Variants in ERG observed in about 807,000 individuals in gnomAD.
ERG encodes the protein transcriptional regulator ERG.
A neutral mutation model predicts 55.3 loss-of-function variants in ERG; 9 were observed. The observed-to-expected ratio is 0.16, with a 90% confidence interval of 0.10 to 0.28. ERG has a LOEUF of 0.28. Ranked by LOEUF, ERG falls within the 10% of genes least tolerant of loss-of-function variation. ERG has a pLI of 1.00. For synonymous variants in ERG, 223 were observed against 237.3 expected (o/e 0.94, Z 0.55); for missense variants, 434 against 631.6 (o/e 0.69, Z 3.35).
chr21:38,582,332 AC>A (rs975227877), intron 1 of ERG, among the ~76,000 whole-genome samples: 13 of 152,222 alleles, frequency 8.5e-5, no homozygotes, highest in African/African-American at 3.1e-4. Flanking sequence ...CAGCCCTTAA[AC>A]CCATGTGCTA....
intron 1 of ERG, among the ~76,000 whole-genome samples, chr21:38,495,393 G>T (rs1022669486): frequency 6.6e-6 from 1 of 152,172 alleles, no homozygotes; most frequent in Non-Finnish European, 1.5e-5. Context: ...ATAGCACTAG[G>T]GTGCCCTCAG....
At chr21:38,598,499 G>C (rs2060144845) in intron 1 of ERG, among the ~76,000 whole-genome samples, 1 of 152,202 alleles carries the variant, frequency 6.6e-6, no homozygotes. Flanking sequence ...CAGCACTAAT[G>C]TATCACAAAT....
At chr21:38,539,418 T>C (rs1227280407) in intron 2 of ERG, among the ~76,000 whole-genome samples, 1 of 152,222 alleles carries the variant, frequency 6.6e-6, no homozygotes, top group Non-Finnish European at 1.5e-5. Context: ...ACTCTTCAGA[T>C]ATATCCTGGG....
intron 1 of ERG, among the ~76,000 whole-genome samples, chr21:38,491,749 A>G (rs2146677512): frequency 6.6e-6 from 1 of 152,284 alleles, no homozygotes; most frequent in East Asian, 1.9e-4. Flanking sequence ...CGTGTTCATT[A>G]TTGACGCCCA....
intron 2 of ERG, among the ~76,000 whole-genome samples, chr21:38,513,614 A>G (rs761960343): frequency 6.6e-5 from 10 of 152,196 alleles, no homozygotes; most frequent in Non-Finnish European, 1.3e-4. Context: ...AGTCATTTAT[A>G]TTTTAATACT....
At position 38,381,549 on chromosome 21, in the gene ERG, C is replaced by G; in HGVS notation, c.*1854G>C. ...CTGAAAGAGAAACCCCGCAGCAAAT[C>G]TAGACGTTATCCCTTGTTTCTGTAA... On this transcript the variant is annotated 3_prime_UTR_variant, in exon 10 of 10. Transcript: ENST00000288319. The G allele has an allele frequency of 9.4e-7, 1 of 1,064,026 alleles. No individual in the cohort carries two copies. Among genetic ancestry groups the G allele is most frequent in the South Asian group, 4.6e-5 (1 of 21,962 alleles). 65.9% of individuals were successfully genotyped at this position (1,064,026 alleles called of 1,614,324 possible).
At chr21:38,503,368 C>CTTT (rs35953821), upstream of ERG, among the ~76,000 whole-genome samples, 3,136 of 148,600 alleles carry the variant, frequency 0.021, 124 homozygotes, top group East Asian at 0.2. Flanking sequence ...GCATAGAGCT[C>CTTT]TTTTTTTTTT....
At chr21:38,477,007 C>CTTTTTTTTTTT (rs397867221) in intron 1 of ERG, among the ~76,000 whole-genome samples, 4 of 84,154 alleles carry the variant, frequency 4.8e-5, no homozygotes, top group Admixed American at 1.8e-4. Context: ...TCTTTCTTTC[C>CTTTTTTTTTTT]TTTTTTTTTT....
intron 1 of ERG, among the ~76,000 whole-genome samples, chr21:38,594,428 C>G (rs1283530603): frequency 6.6e-6 from 1 of 152,206 alleles, no homozygotes; most frequent in Non-Finnish European, 1.5e-5. Context: ...TTTCCATGGA[C>G]TCCATCATCA....
At chr21:38,470,607 T>G (rs2059130478) in intron 1 of ERG, among the ~76,000 whole-genome samples, 1 of 152,252 alleles carries the variant, frequency 6.6e-6, no homozygotes, top group Middle Eastern at 3.2e-3. Context: ...TAGTTCACTC[T>G]GCACTGGTAT....
At chr21:38,556,142 T>C (rs1166206269) in intron 2 of ERG, among the ~76,000 whole-genome samples, 1 of 152,106 alleles carries the variant, frequency 6.6e-6, no homozygotes, top group Admixed American at 6.5e-5. Flanking sequence ...AAAAATGCCA[T>C]ATTGCAGAAA....
At chr21:38,451,218 T>C (rs1351053147) in intron 1 of ERG, 1 of 508,530 alleles carries the variant, frequency 2.0e-6, no homozygotes, top group Non-Finnish European at 3.9e-6. Context: ...ATAAAGGATC[T>C]GGATGGTAAA....
chr21:38,443,050 A>G (rs1224651331), intron 2 of ERG, among the ~76,000 whole-genome samples: 1 of 152,042 alleles, frequency 6.6e-6, no homozygotes, highest in Non-Finnish European at 1.5e-5. Flanking sequence ...CTCGTGATCC[A>G]CCCGCCTTGG....
chr21:38,494,997 G>A (rs1238306520), intron 1 of ERG, among the ~76,000 whole-genome samples: 1 of 152,234 alleles, frequency 6.6e-6, no homozygotes, highest in African/African-American at 2.4e-5. Context: ...ATGCACAGCA[G>A]GGCAGCGGCA....
chr21:38,501,596 C>T (rs982381523), upstream of ERG, among the ~76,000 whole-genome samples: 1 of 152,116 alleles, frequency 6.6e-6, no homozygotes, highest in African/African-American at 2.4e-5. Flanking sequence ...CAAGCCACCA[C>T]GCGGACCAAG....
chr21:38,563,746 ATCACT>A (rs976610052), intron 2 of ERG, among the ~76,000 whole-genome samples: 3 of 152,244 alleles, frequency 2.0e-5, no homozygotes, highest in Non-Finnish European at 4.4e-5. Flanking sequence ...TGATTATGTG[ATCACT>A]TCAAGTAATT....
At chr21:38,574,703 C>T (rs550531266) in intron 2 of ERG, among the ~76,000 whole-genome samples, 1 of 152,284 alleles carries the variant, frequency 6.6e-6, no homozygotes, top group East Asian at 1.9e-4. Context: ...ACAAACTTTG[C>T]TTTCAATTAT....
At chr21:38,401,393 C>A (rs1988484372) in intron 5 of ERG, among the ~76,000 whole-genome samples, 1 of 152,164 alleles carries the variant, frequency 6.6e-6, no homozygotes, top group African/African-American at 2.4e-5. Context: ...TTTCTGGCCA[C>A]AAGGTCACTA....
chr21:38,599,141 T>C (rs977201800), intron 1 of ERG, among the ~76,000 whole-genome samples: 3 of 152,090 alleles, frequency 2.0e-5, no homozygotes, highest in Non-Finnish European at 4.4e-5. Flanking sequence ...AGAGGCTGCC[T>C]GGGGACAGGT....
Sources: allele counts gnomAD v4.1 joint callset (sites outside exome capture counted in the v4.1 genomes callset), GRCh38; gene constraint gnomAD v4.1.1; transcripts MANE v1.5; gene names NCBI Gene and HGNC (gene_info 2026-07-23, HGNC 2026-07-21).